The following PAK1 variants were observed in gnomAD, a reference collection of about 807,000 sequenced individuals.
The protein encoded by PAK1 is serine/threonine-protein kinase PAK 1.
Under a neutral mutation model 67.4 loss-of-function variants are expected in PAK1, and 29 were observed. That is an observed-to-expected ratio of 0.43 (90% confidence interval 0.32 to 0.59). PAK1 has a LOEUF of 0.59. Among genes scored for constraint, PAK1 ranks in the 20% least tolerant of loss-of-function variants. PAK1 has a pLI of 0.07. For missense variants in PAK1, 337 were observed against 670.7 expected, an observed-to-expected ratio of 0.50 and a Z score of 5.50; for synonymous variants, 223 against 237.4, an observed-to-expected ratio of 0.94 and a Z score of 0.56.
At chr11:77,430,673 T>C (rs2725830) in intron 1 of PAK1, among the ~76,000 whole-genome samples, 54,042 of 152,144 alleles carry the variant, frequency 0.36, 9,793 homozygotes, top group South Asian at 0.51. Context: ...TTGTGATTGC[T>C]GACTCTTCCC....
At chr11:77,384,421 C>A (rs1275977601) in intron 2 of PAK1, among the ~76,000 whole-genome samples, 1 of 152,186 alleles carries the variant, frequency 6.6e-6, no homozygotes, top group African/African-American at 2.4e-5. Flanking sequence ...CTGCAGGAAT[C>A]TGATGAAAAC....
chr11:77,472,649 C>T (rs1405659989), intron 1 of PAK1, among the ~76,000 whole-genome samples: 2 of 152,202 alleles, frequency 1.3e-5, no homozygotes, highest in African/African-American at 4.8e-5. Context: ...TTCCTACTTT[C>T]TCCTGACAGA....
At chr11:77,358,533 T>A (rs1267113484) in intron 6 of PAK1, among the ~76,000 whole-genome samples, 1 of 152,140 alleles carries the variant, frequency 6.6e-6, no homozygotes, top group African/African-American at 2.4e-5. Flanking sequence ...GAAGAAAAGA[T>A]CTGTAGCAAG....
intron 5 of PAK1, among the ~76,000 whole-genome samples, chr11:77,365,103 T>C (rs1947317467): frequency 6.6e-6 from 1 of 151,496 alleles, no homozygotes; most frequent in South Asian, 2.1e-4. Context: ...AAAAATAAAA[T>C]TAGCTGGGTG....
chr11:77,345,413 TAG>T (rs1944278131), intron 9 of PAK1, among the ~76,000 whole-genome samples: 2 of 152,232 alleles, frequency 1.3e-5, no homozygotes, highest in Admixed American at 1.3e-4. Flanking sequence ...GTTCATTCTC[TAG>T]AGATATTTTT....
chr11:77,333,659 A>C (rs1942145854), intron 13 of PAK1, among the ~76,000 whole-genome samples: 1 of 152,186 alleles, frequency 6.6e-6, no homozygotes, highest in Admixed American at 6.5e-5. Flanking sequence ...AATGTAAGTG[A>C]AAACTGTTGC....
intron 1 of PAK1, among the ~76,000 whole-genome samples, chr11:77,458,508 C>T (rs971316724): frequency 2.0e-5 from 3 of 152,122 alleles, no homozygotes; most frequent in Non-Finnish European, 2.9e-5. Flanking sequence ...GATTTTTGTG[C>T]GTGTGATTCA....
chr11:77,342,570 T>C lies in PAK1; in HGVS notation c.998+1249A>G, dbSNP rs375279624. On this transcript the variant is annotated intron_variant, in intron 10 of 14. Transcript: ENST00000356341. ...TCTGTATAATAAGTTCTGAAAGAGA[T>C]GATAAGGTACTAACTTTCAGAGGAT... Among the ~76,000 whole-genome samples the C allele has an allele frequency of 6.1e-4, 93 of 152,296 alleles. 1 individual carries two copies. Among genetic ancestry groups the C allele is most frequent in the African/African-American group, 2.1e-3 (89 of 41,560 alleles).
chr11:77,384,433 T>G (rs1425386673), intron 2 of PAK1, among the ~76,000 whole-genome samples: 3 of 152,204 alleles, frequency 2.0e-5, no homozygotes, highest in Non-Finnish European at 4.4e-5. Context: ...GATGAAAACT[T>G]ATGTCTACAC....
intron 9 of PAK1, among the ~76,000 whole-genome samples, chr11:77,344,306 T>C (rs1238002965): frequency 6.6e-6 from 1 of 152,222 alleles, no homozygotes; most frequent in Non-Finnish European, 1.5e-5. Context: ...CAGAGGCTCA[T>C]ACAAAATGCT....
chr11:77,394,048 A>G (rs998105019), intron 1 of PAK1, among the ~76,000 whole-genome samples: 1 of 152,180 alleles, frequency 6.6e-6, no homozygotes, highest in African/African-American at 2.4e-5. Context: ...TGTTATCAAT[A>G]GTTTTAATGA....
the PAK1 span, among the ~76,000 whole-genome samples, chr11:77,522,099 A>G: frequency 1.3e-5 from 2 of 152,266 alleles, no homozygotes; most frequent in African/African-American, 4.8e-5. Flanking sequence ...AAAGTGCAGC[A>G]AGAATAATTA....
At chr11:77,485,672 A>C in the PAK1 span, among the ~76,000 whole-genome samples, 1 of 152,052 alleles carries the variant, frequency 6.6e-6, no homozygotes, top group Non-Finnish European at 1.5e-5. Flanking sequence ...ATGGGGTTTC[A>C]CCATGTTGGT....
At chr11:77,410,144 C>T (rs1954285320) in intron 1 of PAK1, among the ~76,000 whole-genome samples, 1 of 152,120 alleles carries the variant, frequency 6.6e-6, no homozygotes, top group Non-Finnish European at 1.5e-5. Flanking sequence ...ACCTCCTTTC[C>T]TCCAGATCAG....
chr11:77,359,011 T>C lies in PAK1; in HGVS notation c.484A>G (p.Lys162Glu). Residue 162 changes from lysine (K) to glutamate (E), a missense_variant, in exon 6 of 15, where the codon AAG becomes GAG. Physicochemically the swap from Lys to Glu is moderately conservative, Grantham distance 56 (BLOSUM62 1). Coordinates refer to ENST00000356341, the MANE Select transcript of PAK1 (RefSeq NM_002576.5). ...ACTGCAGGAGTCTCAGACACAGCCT[T>C]CACATTCTGTGCAAAGAAGAAAAGC... ...DYNSSNALNV[K>E]AVSETPAVPP... The C allele has an allele frequency of 4.3e-6, 7 of 1,612,898 alleles. No homozygotes were observed. The highest frequency in any genetic ancestry group is 5.9e-6 in the Non-Finnish European group (7 of 1,179,306).
the PAK1 span, among the ~76,000 whole-genome samples, chr11:77,504,548 G>A: frequency 3.3e-5 from 5 of 152,156 alleles, no homozygotes; most frequent in Non-Finnish European, 7.4e-5. Flanking sequence ...GTTTCTCAAA[G>A]GTTGTTGCAA....
intron 1 of PAK1, among the ~76,000 whole-genome samples, chr11:77,393,612 T>C (rs775967991): frequency 2.0e-5 from 3 of 152,180 alleles, no homozygotes; most frequent in Non-Finnish European, 4.4e-5. Context: ...CTTCTAAATA[T>C]AAAATGGTCA....
At chr11:77,498,467 A>C in the PAK1 span, among the ~76,000 whole-genome samples, 2 of 150,886 alleles carry the variant, frequency 1.3e-5, no homozygotes, top group East Asian at 3.9e-4. Context: ...AAAGCTCATT[A>C]TTGCTCTTTC....
chr11:77,428,571 CAAA>C (rs34457093), intron 1 of PAK1, among the ~76,000 whole-genome samples: 1 of 111,038 alleles, frequency 9.0e-6, no homozygotes. Flanking sequence ...GACTCCATCT[CAAA>C]AAAAAAAAAA....
Sources: allele counts gnomAD v4.1 joint callset (sites outside exome capture counted in the v4.1 genomes callset), GRCh38; gene constraint gnomAD v4.1.1; transcripts MANE v1.5; gene names NCBI Gene and HGNC (gene_info 2026-07-23, HGNC 2026-07-21).